The following SVOP variants were observed in gnomAD, a reference collection of about 807,000 sequenced individuals.
SVOP encodes synaptic vesicle 2-related protein.
A neutral mutation model predicts 69.1 loss-of-function variants in SVOP; 17 were observed. The observed-to-expected ratio is 0.25, with a 90% CI of 0.17 to 0.37. The LOEUF is 0.37. Ranked by LOEUF, SVOP falls within the 10% of genes least tolerant of loss-of-function variation. The pLI, the probability that SVOP is intolerant of heterozygous loss-of-function variation, is 1.00. For synonymous variants in SVOP, 238 were observed against 238.6 expected (o/e 1.00, Z 0.02); for missense variants, 435 against 597.5 (o/e 0.73, Z 2.84).
At chr12:108,950,402 G>T in intron 6 of SVOP, among the ~76,000 whole-genome samples, 1 of 148,686 alleles carries the variant, frequency 6.7e-6, no homozygotes. Context: ...TTTTTCTTTT[G>T]AGACAGCGTC....
At chr12:108,914,459 C>T (rs1201010359) in intron 15 of SVOP, among the ~76,000 whole-genome samples, 1 of 152,188 alleles carries the variant, frequency 6.6e-6, no homozygotes, top group Admixed American at 6.5e-5. Flanking sequence ...CTTCATGACA[C>T]ACGAAGAGTT....
intron 5 of SVOP, among the ~76,000 whole-genome samples, chr12:108,970,408 G>A (rs539837102): frequency 1.2e-3 from 186 of 152,258 alleles, no homozygotes; most frequent in Non-Finnish European, 2.3e-3. Context: ...GGGATTGGAT[G>A]AGCTAACGCA....
chr12:108,931,162 C>T (rs1159179577), intron 11 of SVOP, among the ~76,000 whole-genome samples: 1 of 152,162 alleles, frequency 6.6e-6, no homozygotes, highest in Non-Finnish European at 1.5e-5. Flanking sequence ...AACACAGACT[C>T]TCCCACACCC....
At position 108,919,717 on chromosome 12, in the gene SVOP, A is replaced by G; in HGVS notation, c.1226T>C (p.Ile409Thr). 1 of 1,608,380 alleles carries G rather than the reference A, an allele frequency of 6.2e-7. No individual in the cohort carries two copies. Among genetic ancestry groups the G allele is most frequent in the South Asian group, 1.1e-5 (1 of 89,854 alleles). ...CAGCAGGAGGCTGCAGAAGGAGAAG[A>G]TGACAAAGCACAGGGCCATGGTCTT... The part of the protein sequence containing the change: ...RKKTMALCFV[I>T]FSFCSLLLFI... Residue 409 changes from isoleucine (I) to threonine (T), a missense_variant, in exon 13 of 16, where the codon ATC (isoleucine) becomes ACC (threonine). Coordinates refer to ENST00000610966, the MANE Select transcript of SVOP (RefSeq NM_018711.5).
intron 5 of SVOP, among the ~76,000 whole-genome samples, chr12:108,970,830 C>A (rs978263777): frequency 6.6e-6 from 1 of 151,718 alleles, no homozygotes; most frequent in Non-Finnish European, 1.5e-5. Context: ...GCCTGGGCAA[C>A]ATAGTGAGAC....
At position 108,911,596 on chromosome 12, in the gene SVOP, C is replaced by T. The variant is rs1205305078; in HGVS notation, c.*939G>A. 4 of 152,266 alleles carry T rather than the reference C, an allele frequency of 2.6e-5. No individual in the cohort carries two copies. The East Asian group carries it at 7.7e-4, about 29-fold the overall frequency. 9.4% of individuals were successfully genotyped at this position (152,266 alleles called of 1,614,324 possible). On this transcript the variant is annotated 3_prime_UTR_variant, in exon 16 of 16. Coordinates refer to ENST00000610966, the MANE Select transcript of SVOP (RefSeq NM_018711.5). ...ATCCCAGCTACTCGGGAGGCTGAGA[C>T]AGGAGAATTGCTTGAACCCGGGAGG...
intron 6 of SVOP, among the ~76,000 whole-genome samples, chr12:108,951,096 T>C (rs1555250240): frequency 6.6e-6 from 1 of 152,228 alleles, no homozygotes; most frequent in Non-Finnish European, 1.5e-5. Flanking sequence ...CCTGGCATTT[T>C]TGCCTGGTCT....
chr12:108,978,304 T>A (rs2040118054), intron 3 of SVOP: 2 of 390,452 alleles, frequency 5.1e-6, no homozygotes, highest in Non-Finnish European at 4.6e-6. Flanking sequence ...GACATCATAA[T>A]CTCATAGTAG....
chr12:109,014,762 C>G (rs1005695090), intron 1 of SVOP, among the ~76,000 whole-genome samples: 1 of 152,150 alleles, frequency 6.6e-6, no homozygotes, highest in African/African-American at 2.4e-5. Flanking sequence ...CATTCTATCA[C>G]CCAGGCTGGA....
At chr12:108,940,949 G>A (rs1345863460) in intron 7 of SVOP, 40 bp from the exon 8 acceptor site, 1 of 1,525,556 alleles carries the variant, frequency 6.6e-7, no homozygotes, top group Non-Finnish European at 8.8e-7. Flanking sequence ...GGGGTAGCAT[G>A]GTCCATACAG....
At position 108,945,121 on chromosome 12, in the gene SVOP, T is replaced by C; in HGVS notation, c.624A>G (p.Lys208=). 1 of 1,537,036 alleles carries C rather than the reference T, an allele frequency of 6.5e-7. No individual in the cohort carries two copies. Among genetic ancestry groups the C allele is most frequent in the Non-Finnish European group, 8.7e-7 (1 of 1,146,804 alleles). ...AEFLPMKARA[K]CILLIEVFWA... ...TCCTTACCTCAATCAGCAAAATACA[T>C]TTAGCTCTGGCTTTCATGGGAAGGA... The change falls in exon 7 of 16, where the codon AAA becomes AAG. Residue 208 remains lysine (K), a synonymous_variant. Coordinates refer to ENST00000610966, the MANE Select transcript of SVOP (RefSeq NM_018711.5).
At chr12:108,933,856 CCT>C (rs1183654261) in intron 11 of SVOP, among the ~76,000 whole-genome samples, 1 of 151,994 alleles carries the variant, frequency 6.6e-6, no homozygotes, top group Non-Finnish European at 1.5e-5. Context: ...CTTTTTGTTC[CCT>C]GTTTCTGTTT....
At chr12:108,978,179 G>T (rs542529100) in intron 3 of SVOP, among the ~76,000 whole-genome samples, 4 of 152,262 alleles carry the variant, frequency 2.6e-5, no homozygotes, top group South Asian at 4.2e-4. Flanking sequence ...TATATTAAAG[G>T]TTTGGCTGTA....
chr12:109,019,909 A>G (rs1339938988), intron 1 of SVOP, among the ~76,000 whole-genome samples: 1 of 152,196 alleles, frequency 6.6e-6, no homozygotes, highest in Non-Finnish European at 1.5e-5. Context: ...AATCAAGAAA[A>G]TACACACACA....
At chr12:108,944,095 G>T (rs2039908991) in intron 7 of SVOP, among the ~76,000 whole-genome samples, 1 of 152,030 alleles carries the variant, frequency 6.6e-6, no homozygotes, top group African/African-American at 2.4e-5. Flanking sequence ...TGGCCAGGCT[G>T]GTCGAGAACC....
At position 108,922,801 on chromosome 12, in the gene SVOP, G is replaced by A. The variant is rs2039757980; in HGVS notation, c.1049-4C>T. ...ACAGCCTTCTTCCGACTGGAGACTG[G>A]GGTTGGGAGAGAGAAAGAGAGGGGG... On this transcript the variant is annotated splice_polypyrimidine_tract_variant and splice_region_variant and intron_variant, in intron 11 of 15. Coordinates refer to ENST00000610966, the MANE Select transcript of SVOP (RefSeq NM_018711.5). The A allele has an allele frequency of 2.5e-6, 4 of 1,597,326 alleles. No individual in the cohort carries two copies. Among genetic ancestry groups the A allele is most frequent in the Non-Finnish European group, 3.4e-6 (4 of 1,171,216 alleles).
At chr12:108,953,123 A>C (rs1325139493) in intron 6 of SVOP, among the ~76,000 whole-genome samples, 3 of 148,870 alleles carry the variant, frequency 2.0e-5, no homozygotes, top group African/African-American at 4.9e-5. Context: ...GGGCTCCTTA[A>C]TGATCTAATT....
chr12:108,947,150 A>G (rs897057127), intron 6 of SVOP, among the ~76,000 whole-genome samples: 1 of 152,084 alleles, frequency 6.6e-6, no homozygotes, highest in African/African-American at 2.4e-5. Flanking sequence ...TTCTAGCACA[A>G]GATATTCAGC....
chr12:108,934,330 C>T (rs2039843173), intron 10 of SVOP, 59 bp from the exon 11 acceptor site: 9 of 1,470,498 alleles, frequency 6.1e-6, no homozygotes, highest in Non-Finnish European at 8.4e-6. Flanking sequence ...GTCCCCTTTC[C>T]CTACCCCCTT....
Sources: allele counts gnomAD v4.1 joint callset (sites outside exome capture counted in the v4.1 genomes callset), GRCh38; gene constraint gnomAD v4.1.1; transcripts MANE v1.5; gene names NCBI Gene and HGNC (gene_info 2026-07-23, HGNC 2026-07-21).